Variants in UFSP2 observed in about 807,000 individuals in gnomAD.
The protein encoded by UFSP2 is ufm1-specific protease 2.
In UFSP2, 43 loss-of-function variants were observed where a neutral mutation model predicts 60.2. That is an observed-to-expected ratio of 0.71 (90% confidence interval 0.56 to 0.92). The LOEUF is 0.92. Among genes scored for constraint, UFSP2 ranks in the 40% least tolerant of loss-of-function variants. The pLI, the probability that UFSP2 is intolerant of heterozygous loss-of-function variation, is 0.00. For missense variants in UFSP2, 520 were observed against 575.0 expected, an observed-to-expected ratio of 0.90 and a Z score of 0.98; for synonymous variants, 183 against 195.1, an observed-to-expected ratio of 0.94 and a Z score of 0.52.
chr4:185,414,376 A>G (rs1169315777), intron 6 of UFSP2, among the ~76,000 whole-genome samples: 4 of 152,220 alleles, frequency 2.6e-5, no homozygotes, highest in Admixed American at 6.5e-5. Context: ...AAATACACAT[A>G]TATGTTTAAA....
chr4:185,409,357 TTTG>T (rs1215465745), intron 7 of UFSP2, among the ~76,000 whole-genome samples: 2 of 152,302 alleles, frequency 1.3e-5, no homozygotes, highest in East Asian at 1.9e-4. Flanking sequence ...GAACTGGGTT[TTTG>T]TTTTTATTTT....
intron 10 of UFSP2, among the ~76,000 whole-genome samples, chr4:185,404,177 T>C (rs1415971719): frequency 6.6e-6 from 1 of 152,016 alleles, no homozygotes; most frequent in Non-Finnish European, 1.5e-5. Context: ...CTAAAATGGA[T>C]TTAGAAAGGG....
intron 9 of UFSP2, 65 bp from the exon 10 acceptor site, chr4:185,405,921 G>A: frequency 6.2e-7 from 1 of 1,611,912 alleles, no homozygotes; most frequent in Non-Finnish European, 8.5e-7. Context: ...AATGAGCTAG[G>A]AGACAATGTT....
chr4:185,404,622 C>T (rs1052531320), intron 10 of UFSP2, among the ~76,000 whole-genome samples: 43 of 150,054 alleles, frequency 2.9e-4, no homozygotes, highest in Non-Finnish European at 1.0e-4. Context: ...GAGTCTTGCT[C>T]TGCTACCCAG....
At chr4:185,412,920 A>G (rs866996212) in intron 7 of UFSP2, among the ~76,000 whole-genome samples, 22 of 152,014 alleles carry the variant, frequency 1.4e-4, no homozygotes, top group Non-Finnish European at 1.6e-4. Flanking sequence ...CCCTCCGCCA[A>G]TTCACTCTTA....
At chr4:185,419,104 A>G (rs2095544598) in intron 2 of UFSP2, among the ~76,000 whole-genome samples, 1 of 151,952 alleles carries the variant, frequency 6.6e-6, no homozygotes, top group African/African-American at 2.4e-5. Context: ...CTTTTCTCTA[A>G]TTGAAAATTT....
rs1431460961 is a variant in UFSP2 at position 185,422,537 on chromosome 4, G to A, written c.30C>T (p.Leu10=). 1 of 1,610,936 alleles carries A rather than the reference G, an allele frequency of 6.2e-7. No homozygotes were observed. The highest frequency in any genetic ancestry group is 1.3e-5 in the African/African-American group (1 of 74,670). ...AATCAAGGCCTCCTCTTATTCTGAAGAGTATATCCATACTTTCTGAAATCA... is the reference window on the plus strand; with the variant it reads ...AATCAAGGCCTCCTCTTATTCTGAAAAGTATATCCATACTTTCTGAAATCA... MVISESMDI[L]FRIRGGLDLA... Residue 10 remains leucine, a synonymous_variant, in exon 2 of 12, where the codon CTC becomes CTT. Transcript: ENST00000264689.
rs1406357239 is a variant in UFSP2, at chr4:185,403,580, A to G, written c.1237T>C (p.Trp413Arg). The part of the protein sequence containing the change: ...VLAHTILGVA[W>R]NEITGQIKFL... ...TTTATCTGCCCTGTAATCTCATTCC[A>G]TGCAACTCCTAGTATTGTGTGGGCC... The change falls in exon 11 of 12, where the codon TGG becomes CGG. Residue 413 changes from tryptophan (W) to arginine (R), a missense_variant. By Grantham distance (101) the Trp-to-Arg change is moderately radical. Coordinates refer to ENST00000264689, the MANE Select transcript of UFSP2 (RefSeq NM_018359.5). 2.5e-6 allele frequency: 4 copies of G among 1,614,178 alleles called. No individual in the cohort carries two copies. The South Asian group carries it at 4.4e-5, about 18-fold the overall frequency.
intron 11 of UFSP2, among the ~76,000 whole-genome samples, chr4:185,401,725 T>C (rs1239710498): frequency 3.9e-5 from 6 of 152,216 alleles, no homozygotes; most frequent in Non-Finnish European, 7.3e-5. Context: ...CAAGGAGGTT[T>C]CTGCTGTTGA....
At chr4:185,400,764 A>T in intron 11 of UFSP2, 1 of 285,424 alleles carries the variant, frequency 3.5e-6, no homozygotes. Flanking sequence ...TCTGAGATGT[A>T]TAGTTTTACC....
chr4:185,413,624 G>A, intron 7 of UFSP2, 102 bp downstream of exon 7: 2 of 1,109,412 alleles, frequency 1.8e-6, no homozygotes, highest in Non-Finnish European at 2.5e-6. Context: ...CATGTTTTAG[G>A]AATGAATACA....
In UFSP2 at chr4:185,425,893, G is replaced by A. The variant is rs1226074621; in HGVS notation, c.-25C>T. ...TGTCCGCGACGTGGCGGTGACACGG[G>A]CGCTGACGCCTGCCCAAAAGTTCCG... On this transcript the variant is annotated 5_prime_UTR_variant, in exon 1 of 12. Coordinates refer to ENST00000264689, the MANE Select transcript of UFSP2 (RefSeq NM_018359.5). The A allele has an allele frequency of 1.9e-5, 30 of 1,595,878 alleles. No individual in the cohort carries two copies. The East Asian group carries it at 5.9e-4, about 31-fold the overall frequency.
intron 2 of UFSP2, among the ~76,000 whole-genome samples, chr4:185,419,823 G>C (rs892429220): frequency 2.0e-5 from 3 of 152,146 alleles, no homozygotes; most frequent in African/African-American, 7.2e-5. Flanking sequence ...ATAAATTGAT[G>C]CACATTTGTT....
In UFSP2 at chr4:185,400,021, C is replaced by T; in HGVS notation, c.*371G>A. 1.2e-6 allele frequency: 2 copies of T among 1,600,236 alleles called. No homozygotes were observed. Among genetic ancestry groups the T allele is most frequent in the Non-Finnish European group, 1.7e-6 (2 of 1,175,074 alleles). ...TTAACGTGTTTTTAAAAACAGATGTCACGTGGGTTATGAAGAAGTCTGAAG... is the reference window on the plus strand; with the variant it reads ...TTAACGTGTTTTTAAAAACAGATGTTACGTGGGTTATGAAGAAGTCTGAAG... On this transcript the variant is annotated 3_prime_UTR_variant, in exon 12 of 12. Transcript: ENST00000264689.
Position 185,420,539 on chromosome 4 carries a change from GATAA to G in UFSP2, c.83-1773_83-1770del, listed in dbSNP as rs1444136486. ...TAAACAACGACCATACTGGTATCTT[GATAA>G]ATAAATACTTTGGAGCTATTGTAGA... On this transcript the variant is annotated intron_variant, in intron 2 of 11. Transcript: ENST00000264689. 1.2e-4 allele frequency among the ~76,000 whole-genome samples: 19 copies of G among 152,166 alleles called. No homozygotes were observed. In the East Asian group the frequency reaches 3.5e-3, roughly 28 times the overall value.
chr4:185,402,186 G>A, intron 11 of UFSP2: 1 of 376,666 alleles, frequency 2.7e-6, no homozygotes, highest in South Asian at 2.0e-5. Context: ...AAAACCTCGT[G>A]TAATACTAGT....
chr4:185,399,586 G>A lies in UFSP2; in HGVS notation c.*806C>T, dbSNP rs201802691. ...TGTTTTCAGTTTATGTAATAAGAAC[G>A]GGCAAACAGCTGAAGATCTCGCTTG... On this transcript the variant is annotated 3_prime_UTR_variant, in exon 12 of 12. Coordinates refer to ENST00000264689, the MANE Select transcript of UFSP2 (RefSeq NM_018359.5). 6.6e-5 allele frequency: 107 copies of A among 1,613,952 alleles called. No homozygotes were observed. Among genetic ancestry groups the A allele is most frequent in the Middle Eastern group, 3.3e-4 (2 of 6,082 alleles).
intron 11 of UFSP2, among the ~76,000 whole-genome samples, chr4:185,402,707 C>T (rs1195294344): frequency 6.6e-6 from 1 of 152,182 alleles, no homozygotes; most frequent in Non-Finnish European, 1.5e-5. Context: ...AATTCCTGAT[C>T]TCAGGTGATC....
At chr4:185,406,045 A>C (rs928992211) in intron 9 of UFSP2, 189 bp from the exon 10 acceptor site, 11 of 1,273,314 alleles carry the variant, frequency 8.6e-6, no homozygotes, top group Non-Finnish European at 1.1e-5. Flanking sequence ...CATAAACTCA[A>C]AATACTTAAG....
Sources: gnomAD v4.1 joint callset for allele counts (sites outside exome capture counted in the v4.1 genomes callset) on GRCh38, gnomAD v4.1.1 for gene constraint, MANE v1.5 for transcripts, NCBI Gene and HGNC (gene_info 2026-07-23, HGNC 2026-07-21) for gene names.